ATP8B1: variants seen among roughly 807,000 people sequenced by gnomAD.
The protein encoded by ATP8B1 is ATPase phospholipid transporting 8B1, also known as phospholipid-transporting ATPase IC.
A neutral mutation model predicts 149.9 loss-of-function variants in ATP8B1; 80 were observed. The ratio of observed to expected loss-of-function variants is 0.53; its 90% CI spans 0.45 to 0.64. ATP8B1 has a LOEUF of 0.64. Among genes scored for constraint, ATP8B1 ranks in the 30% least tolerant of loss-of-function variants. ATP8B1 has a pLI of 0.00. For missense variants in ATP8B1, 1,247 were observed against 1,552.6 expected (o/e 0.80, Z 3.31); for synonymous variants, 536 against 562.8 (o/e 0.95, Z 0.67).
intron 1 of ATP8B1, among the ~76,000 whole-genome samples, chr18:57,780,938 A>G (rs535838637): frequency 6.6e-6 from 1 of 152,244 alleles, no homozygotes; most frequent in South Asian, 2.1e-4. Flanking sequence ...ACAGAAGACA[A>G]TTTCCTTGTC....
intron 1 of ATP8B1, among the ~76,000 whole-genome samples, chr18:57,778,109 T>C (rs2080322976): frequency 6.6e-6 from 1 of 152,210 alleles, no homozygotes. Flanking sequence ...AAGCGGCAAC[T>C]TTAATTGTAC....
At chr18:57,666,399 GGTT>G (rs978344184) in intron 20 of ATP8B1, among the ~76,000 whole-genome samples, 1 of 151,742 alleles carries the variant, frequency 6.6e-6, no homozygotes, top group African/African-American at 2.4e-5. Context: ...AAAAGTTTTG[GGTT>G]TTTTTTTTCC....
intron 13 of ATP8B1, among the ~76,000 whole-genome samples, 184 bp downstream of exon 13, chr18:57,688,115 C>T (rs755947876): frequency 5.1e-4 from 77 of 152,194 alleles, no homozygotes; most frequent in Admixed American, 1.4e-3. Context: ...TCCTCTCCCA[C>T]GCATGTGTCC....
chr18:57,729,567 T>TTTTTTTTG (rs2079740719), intron 2 of ATP8B1, among the ~76,000 whole-genome samples: 2 of 138,942 alleles, frequency 1.4e-5, no homozygotes, highest in Non-Finnish European at 1.6e-5. Context: ...TTTTTTTTTT[T>TTTTTTTTG]GAGTTGGAGT....
intron 2 of ATP8B1, among the ~76,000 whole-genome samples, chr18:57,716,988 T>C (rs1476965906): frequency 6.6e-6 from 1 of 152,060 alleles, no homozygotes; most frequent in Non-Finnish European, 1.5e-5. Flanking sequence ...CTGACCACAA[T>C]GAGTAAAACT....
intron 1 of ATP8B1, among the ~76,000 whole-genome samples, chr18:57,779,727 G>A (rs1407202617): frequency 6.6e-6 from 1 of 151,918 alleles, no homozygotes; most frequent in Non-Finnish European, 1.5e-5. Context: ...GTGAAACCCC[G>A]TCTCTACTAA....
chr18:57,727,963 A>G (rs1230666489), intron 2 of ATP8B1, among the ~76,000 whole-genome samples: 1 of 152,174 alleles, frequency 6.6e-6, no homozygotes, highest in Non-Finnish European at 1.5e-5. Context: ...CAAAGGGTAA[A>G]GTTACTCCAC....
intron 20 of ATP8B1, among the ~76,000 whole-genome samples, chr18:57,664,501 GAAAAAAAAAA>G (rs532262308): frequency 1.0e-5 from 1 of 99,494 alleles, no homozygotes; most frequent in Non-Finnish European, 1.9e-5. Flanking sequence ...GTCTTTCTAA[GAAAAAAAAAA>G]AAAAAAAAAA....
chr18:57,767,877 A>T (rs962571793), intron 1 of ATP8B1, among the ~76,000 whole-genome samples: 6 of 152,048 alleles, frequency 3.9e-5, no homozygotes, highest in African/African-American at 1.2e-4. Flanking sequence ...GCAGGATTAG[A>T]TCTAAGACTT....
At chr18:57,650,599 T>C (rs1008260873) in intron 26 of ATP8B1, 102 bp from the exon 27 acceptor site, 3 of 1,446,086 alleles carry the variant, frequency 2.1e-6, no homozygotes, top group Admixed American at 3.6e-5. Context: ...TCCTAACACT[T>C]TGAGAGGCCA....
At chr18:57,740,735 C>T (rs2079905702) in intron 1 of ATP8B1, 1 of 151,808 alleles carries the variant, frequency 6.6e-6, no homozygotes, top group African/African-American at 2.4e-5. Flanking sequence ...CCATCACACC[C>T]AGCTAATTTT....
At position 57,701,118 on chromosome 18, in the gene ATP8B1, G is replaced by A; in HGVS notation, c.493-18C>T. 2 of 1,613,830 alleles carry A rather than the reference G, an allele frequency of 1.2e-6. No individual in the cohort carries two copies. The highest frequency in any genetic ancestry group is 2.2e-5 in the South Asian group (2 of 91,076). On this transcript the variant is annotated intron_variant, in intron 5 of 27. Transcript: ENST00000648908. ...TGGCGAGCCTTGAGAAGGAAGATGGGGAAATGCTGTTTTAAACATCTCAAT... is the reference window on the plus strand; with the variant it reads ...TGGCGAGCCTTGAGAAGGAAGATGGAGAAATGCTGTTTTAAACATCTCAAT...
rs565177563 is a variant in ATP8B1 at position 57,668,074 on chromosome 18, T to A, written c.2209+355A>T. On this transcript the variant is annotated intron_variant, in intron 19 of 27. Coordinates refer to ENST00000648908, the MANE Select transcript of ATP8B1 (RefSeq NM_001374385.1). The stretch of plus-strand genomic sequence containing the variant: ...AAAGTTATTGTTCAGTACTTTGTAT[T>A]GTTCTACTCTGTGCCCACCAAATGT... 158 of 1,301,222 alleles carry A rather than the reference T, an allele frequency of 1.2e-4. 1 individual carries two copies. The African/African-American group carries it at 2.1e-3, about 17-fold the overall frequency. The allele number at this position is 1,301,222 out of a possible 1,614,324, so 80.6% of individuals were successfully genotyped here.
At position 57,784,220 on chromosome 18, in the gene ATP8B1, AG is replaced by A. The variant is rs1430689337; in HGVS notation, c.-26+18777del. Among the ~76,000 whole-genome samples the A allele has an allele frequency of 6.6e-6, 1 of 152,174 alleles. No homozygotes were observed. Among genetic ancestry groups the A allele is most frequent in the Non-Finnish European group, 1.5e-5 (1 of 68,030 alleles). On this transcript the variant is annotated intron_variant, in intron 1 of 27. Coordinates refer to ENST00000648908, the MANE Select transcript of ATP8B1 (RefSeq NM_001374385.1). The surrounding 1 kb of genome is among the most constrained non-coding windows in gnomAD (Gnocchi z 4.4). Reference sequence around the variant, plus strand: ...GAAGGAGAAAAAGAATGGAATTTGCAGGGGGAAGCCGGGGTCAGGGCGGGCT... The same window carrying A: ...GAAGGAGAAAAAGAATGGAATTTGCAGGGGAAGCCGGGGTCAGGGCGGGCT...
intron 1 of ATP8B1, among the ~76,000 whole-genome samples, chr18:57,788,204 A>C (rs1300372331): frequency 6.6e-6 from 1 of 152,204 alleles, no homozygotes; most frequent in Non-Finnish European, 1.5e-5. Context: ...AGAGGCATGG[A>C]ATTACAATGA....
intron 17 of ATP8B1, among the ~76,000 whole-genome samples, chr18:57,670,186 A>G (rs1021987016): frequency 3.9e-5 from 6 of 152,180 alleles, no homozygotes; most frequent in Admixed American, 3.9e-4. Context: ...ACTGTGATAC[A>G]AGTCCAATCA....
intron 1 of ATP8B1, among the ~76,000 whole-genome samples, chr18:57,791,707 A>G (rs928403197): frequency 6.6e-6 from 1 of 152,174 alleles, no homozygotes; most frequent in Non-Finnish European, 1.5e-5. Context: ...AATTTTGTTT[A>G]TTCATTCATT....
chr18:57,667,249 C>T (rs1910923103), intron 19 of ATP8B1, 82 bp from the exon 20 acceptor site: 1 of 1,119,620 alleles, frequency 8.9e-7, no homozygotes, highest in Non-Finnish European at 1.3e-6. Context: ...CAGCATCTCA[C>T]TCCCACTGCC....
rs144676034 is a variant in ATP8B1 at position 57,706,396 on chromosome 18, G to A, written c.279+94C>T. The A allele has an allele frequency of 1.4e-4, 133 of 971,600 alleles. 1 individual carries two copies. The highest frequency in any genetic ancestry group is 1.0e-3 in the Middle Eastern group (5 of 4,812). 60.2% of individuals were successfully genotyped at this position (971,600 alleles called of 1,614,324 possible). ...TCAGTAGCCCCAGGCAGGTGGTTAC[G>A]TGGAAGGCAGGTGTAGCATGAAGGT... is the stretch of plus-strand genomic sequence containing the variant. On this transcript the variant is annotated intron_variant, in intron 3 of 27. Coordinates refer to ENST00000648908, the MANE Select transcript of ATP8B1 (RefSeq NM_001374385.1).
Sources: allele counts gnomAD v4.1 joint callset (sites outside exome capture counted in the v4.1 genomes callset), GRCh38; gene constraint gnomAD v4.1.1; non-coding constraint Gnocchi (gnomAD v3.1); transcripts MANE v1.5; gene names NCBI Gene and HGNC (gene_info 2026-07-23, HGNC 2026-07-21).